LHCGR: variants seen among roughly 807,000 people sequenced by gnomAD.
The protein encoded by LHCGR is lutropin-choriogonadotropic hormone receptor.
LHCGR carries 55 observed loss-of-function variants against 60.7 expected under a neutral mutation model. That is an observed-to-expected ratio of 0.91 (90% CI 0.73 to 1.13). LHCGR has a LOEUF of 1.13. Ranked by LOEUF, LHCGR falls within the 50% of genes most tolerant of loss-of-function variation. The pLI is 0.00. For synonymous variants in LHCGR, 337 were observed against 316.5 expected, an observed-to-expected ratio of 1.06 and a Z score of -0.69; for missense variants, 862 against 836.0, an observed-to-expected ratio of 1.03 and a Z score of -0.38.
At chr2:48,726,838 T>TGTTAACAATAGTTATAATA (rs1214580721) in intron 3 of LHCGR, among the ~76,000 whole-genome samples, 1 of 152,160 alleles carries the variant, frequency 6.6e-6, no homozygotes, top group African/African-American at 2.4e-5. Context: ...CCTCAACCAG[T>TGTTAACAATAGTTATAATA]GTTAACAATA....
intron 4 of LHCGR, among the ~76,000 whole-genome samples, chr2:48,725,019 T>C (rs1212179087): frequency 6.6e-6 from 1 of 152,178 alleles, no homozygotes; most frequent in African/African-American, 2.4e-5. Flanking sequence ...TCTTTGTGAA[T>C]AGGGATGACT....
chr2:48,705,394 T>A (rs777155955), intron 8 of LHCGR, among the ~76,000 whole-genome samples: 3 of 152,248 alleles, frequency 2.0e-5, no homozygotes, highest in Non-Finnish European at 4.4e-5. Flanking sequence ...GTTCTGTAGA[T>A]GTCTATTAGG....
chr2:48,698,539 G>T, intron 9 of LHCGR, 76 bp downstream of exon 9: 1 of 1,193,886 alleles, frequency 8.4e-7, no homozygotes, highest in Non-Finnish European at 1.2e-6. Flanking sequence ...GAGTGGAGCT[G>T]TCTACTCATT....
intron 9 of LHCGR, 71 bp downstream of exon 9, chr2:48,698,544 C>G: frequency 1.6e-6 from 2 of 1,264,426 alleles, no homozygotes; most frequent in Non-Finnish European, 2.3e-6. Flanking sequence ...GAGCTGTCTA[C>G]TCATTGACTA....
Position 48,687,409 on chromosome 2 carries a change from T to G in LHCGR, c.*288A>C, listed in dbSNP as rs1423611817. On this transcript the variant is annotated 3_prime_UTR_variant, in exon 11 of 11. Coordinates refer to ENST00000294954, the MANE Select transcript of LHCGR (RefSeq NM_000233.4). Reference sequence around the variant, plus strand: ...TGAAAAAAAAGATATGCAAAATACCTCCTCAGTTTTTTAAAAGATTCATCA... The same window carrying G: ...TGAAAAAAAAGATATGCAAAATACCGCCTCAGTTTTTTAAAAGATTCATCA... 5.7e-6 allele frequency: 2 copies of G among 348,908 alleles called. No individual in the cohort carries two copies. Among genetic ancestry groups the G allele is most frequent in the Non-Finnish European group, 1.0e-5 (2 of 191,940 alleles). The allele number at this position is 348,908 out of a possible 1,614,324, so 21.6% of individuals were successfully genotyped here.
At chr2:48,729,922 A>G (rs912408885) in intron 2 of LHCGR, among the ~76,000 whole-genome samples, 2 of 152,242 alleles carry the variant, frequency 1.3e-5, no homozygotes, top group African/African-American at 4.8e-5. Context: ...GAATAAGTGA[A>G]TGCAGTAGTG....
rs371347574 is a variant in LHCGR, at chr2:48,717,965, T to A, written c.537-3911A>T. Among the ~76,000 whole-genome samples the A allele has an allele frequency of 1.4e-4, 22 of 151,992 alleles. 1 individual carries two copies. The highest frequency in any genetic ancestry group is 5.3e-4 in the African/African-American group (22 of 41,450). On this transcript the variant is annotated intron_variant, in intron 6 of 10. Coordinates refer to ENST00000294954, the MANE Select transcript of LHCGR (RefSeq NM_000233.4). ...GTCACACACAATAGAATGTGCTGCC[T>A]TGTTGTGATTAAAAGAGAAGCTTCC...
At chr2:48,743,301 C>T (rs1291589679) in intron 1 of LHCGR, among the ~76,000 whole-genome samples, 1 of 151,774 alleles carries the variant, frequency 6.6e-6, no homozygotes, top group African/African-American at 2.4e-5. Context: ...TGAAACTATT[C>T]CAATCAATAG....
chr2:48,687,963 A>G lies in LHCGR; in HGVS notation c.1834T>C (p.Tyr612His), dbSNP rs1162746261. The change falls in exon 11 of 11, where the codon TAT (tyrosine) becomes CAT (histidine). Residue 612 changes from tyrosine (Y) to histidine (H), a missense_variant. Physicochemically the swap from Tyr to His is moderately conservative, Grantham distance 83 (BLOSUM62 2). Coordinates refer to ENST00000294954, the MANE Select transcript of LHCGR (RefSeq NM_000233.4). ...GGATTGGCACAAGAATTGATGGGAT[A>G]AAAAAGAACCAGTAAAACTTTAGAG... ...TNSKVLLVLF[Y>H]PINSCANPFL... 1.9e-6 allele frequency: 3 copies of G among 1,614,058 alleles called. No homozygotes were observed. In the African/African-American group the frequency reaches 4.0e-5, roughly 22 times the overall value.
At position 48,709,041 on chromosome 2, in the gene LHCGR, C is replaced by T; in HGVS notation, c.606-19G>A. ...TAGCTCCCTGTGGGGAAGGATATTG[C>T]CCTTAGTGGAGTTTGTACCTCATGT... On this transcript the variant is annotated intron_variant, in intron 7 of 10. Coordinates refer to ENST00000294954, the MANE Select transcript of LHCGR (RefSeq NM_000233.4). The T allele has an allele frequency of 6.2e-7, 1 of 1,602,938 alleles. No individual in the cohort carries two copies. The highest frequency in any genetic ancestry group is 2.2e-5 in the East Asian group (1 of 44,826).
intron 1 of LHCGR, among the ~76,000 whole-genome samples, chr2:48,750,474 A>T (rs1368700042): frequency 1.3e-5 from 2 of 152,168 alleles, no homozygotes; most frequent in Non-Finnish European, 2.9e-5. Flanking sequence ...CAAATGATAG[A>T]CTGGAAGCCT....
At chr2:48,729,126 G>A in intron 3 of LHCGR, 27 bp downstream of exon 3, 1 of 1,538,354 alleles carries the variant, frequency 6.5e-7, no homozygotes, top group Non-Finnish European at 9.0e-7. Context: ...GTGTACAGCA[G>A]TAAACTGTCT....
chr2:48,732,984 GATGGCAT>G (rs148416853), intron 1 of LHCGR: 10,384 of 531,718 alleles, frequency 0.02, 154 homozygotes, highest in Non-Finnish European at 0.025. Flanking sequence ...ATCTTCTTGT[GATGGCAT>G]ATTTGCTTCC....
intron 1 of LHCGR, among the ~76,000 whole-genome samples, chr2:48,749,028 A>T (rs1027708370): frequency 4.6e-5 from 7 of 152,222 alleles, no homozygotes; most frequent in African/African-American, 1.4e-4. Flanking sequence ...GCAATTAGGA[A>T]CCCAGGAGTA....
chr2:48,698,337 C>A (rs1380629352), intron 9 of LHCGR, among the ~76,000 whole-genome samples: 1 of 152,202 alleles, frequency 6.6e-6, no homozygotes, highest in Non-Finnish European at 1.5e-5. Flanking sequence ...GTTTTGTACT[C>A]CATTCTGCAA....
chr2:48,690,235 C>G (rs956734117), intron 10 of LHCGR, among the ~76,000 whole-genome samples: 3 of 152,176 alleles, frequency 2.0e-5, no homozygotes, highest in Non-Finnish European at 4.4e-5. Context: ...CCTCCTTGGT[C>G]TGGGTTCTGC....
intron 4 of LHCGR, among the ~76,000 whole-genome samples, chr2:48,725,112 C>G (rs1338559744): frequency 6.6e-6 from 1 of 152,072 alleles, no homozygotes; most frequent in Admixed American, 6.6e-5. Context: ...TTGTGGCAGG[C>G]TACAGTGGTA....
chr2:48,740,600 C>T (rs1459885395), intron 1 of LHCGR, among the ~76,000 whole-genome samples: 6 of 152,026 alleles, frequency 3.9e-5, no homozygotes, highest in Admixed American at 6.5e-5. Flanking sequence ...CTCACATGGC[C>T]GGGTACTCCA....
chr2:48,738,940 C>A (rs1669316452), intron 1 of LHCGR, among the ~76,000 whole-genome samples: 1 of 152,226 alleles, frequency 6.6e-6, no homozygotes, highest in Non-Finnish European at 1.5e-5. Flanking sequence ...TATGTTTCTA[C>A]TGAACAGCAC....
Sources: gnomAD v4.1 joint callset for allele counts (sites outside exome capture counted in the v4.1 genomes callset) on GRCh38, gnomAD v4.1.1 for gene constraint, MANE v1.5 for transcripts, NCBI Gene and HGNC (gene_info 2026-07-23, HGNC 2026-07-21) for gene names.